Variants in LARGE1 observed in about 807,000 individuals in gnomAD.
The protein encoded by LARGE1 is xylosyl- and glucuronyltransferase LARGE1.
Under a neutral mutation model 87.6 loss-of-function variants are expected in LARGE1, and 43 were observed. That is an observed-to-expected ratio of 0.49 (90% confidence interval 0.38 to 0.63). The LOEUF (loss-of-function observed/expected upper bound fraction) is 0.63. LARGE1 is among the 30% of genes least tolerant of loss of function. LARGE1 has a pLI of 0.00. For missense variants in LARGE1, 802 were observed against 1,000.2 expected (o/e 0.80, Z 2.67); for synonymous variants, 434 against 394.6 (o/e 1.10, Z -1.18).
At chr22:33,827,019 C>T (rs1211512827) in intron 1 of LARGE1, among the ~76,000 whole-genome samples, 1 of 151,984 alleles carries the variant, frequency 6.6e-6, no homozygotes, top group African/African-American at 2.4e-5. Context: ...GAAGATGCAG[C>T]CTATCAAACA....
chr22:33,068,652 T>A, the LARGE1 span, among the ~76,000 whole-genome samples: 1,178 of 152,026 alleles, frequency 7.7e-3, 10 homozygotes, highest in Admixed American at 0.013. Flanking sequence ...CTCAAAAAAA[T>A]AAATAAATAA....
chr22:33,151,257 G>A, the LARGE1 span, among the ~76,000 whole-genome samples: 1 of 152,022 alleles, frequency 6.6e-6, no homozygotes, highest in Admixed American at 6.6e-5. Context: ...ATTGTTCACT[G>A]ATAGTATATA....
At chr22:33,555,423 G>A (rs2077646949) in intron 6 of LARGE1, among the ~76,000 whole-genome samples, 2 of 152,110 alleles carry the variant, frequency 1.3e-5, no homozygotes, top group South Asian at 2.1e-4. Flanking sequence ...AAATATGAAA[G>A]AGCAGTAGAG....
At chr22:33,664,834 G>A (rs1406376615) in intron 2 of LARGE1, among the ~76,000 whole-genome samples, 4 of 152,240 alleles carry the variant, frequency 2.6e-5, no homozygotes, top group Non-Finnish European at 4.4e-5. Context: ...ACTCCAGCCC[G>A]GTGACAGAGC....
chr22:33,429,764 G>A (rs887144146), intron 7 of LARGE1, among the ~76,000 whole-genome samples: 1 of 152,082 alleles, frequency 6.6e-6, no homozygotes, highest in Admixed American at 6.6e-5. Flanking sequence ...ATGAAAGCTT[G>A]GAGGGAACGT....
chr22:33,635,909 C>T (rs2080253018), intron 3 of LARGE1, among the ~76,000 whole-genome samples: 1 of 152,178 alleles, frequency 6.6e-6, no homozygotes, highest in South Asian at 2.1e-4. Flanking sequence ...GAAGTAGATG[C>T]ACCACCTGGC....
At chr22:33,643,601 C>CA (rs965455015) in intron 3 of LARGE1, among the ~76,000 whole-genome samples, 3 of 151,818 alleles carry the variant, frequency 2.0e-5, no homozygotes, top group African/African-American at 4.8e-5. Flanking sequence ...AAAAACCCTT[C>CA]AAAAAAATCA....
chr22:33,294,859 A>C (rs1265655860), intron 12 of LARGE1, among the ~76,000 whole-genome samples: 1 of 152,160 alleles, frequency 6.6e-6, no homozygotes, highest in African/African-American at 2.4e-5. Context: ...TGCGGTAGAG[A>C]GGATGGGACT....
intron 1 of LARGE1, among the ~76,000 whole-genome samples, chr22:33,786,903 C>A (rs1316213606): frequency 1.3e-5 from 2 of 151,826 alleles, no homozygotes; most frequent in Non-Finnish European, 2.9e-5. Context: ...TGCCTGTAGA[C>A]CCAGCTACTC....
At chr22:33,140,644 G>A in the LARGE1 span, among the ~76,000 whole-genome samples, 1 of 152,184 alleles carries the variant, frequency 6.6e-6, no homozygotes, top group African/African-American at 2.4e-5. Flanking sequence ...GATGCTTCCT[G>A]CTCTCGAACA....
intron 1 of LARGE1, among the ~76,000 whole-genome samples, chr22:33,808,606 A>G (rs1441082027): frequency 2.0e-5 from 3 of 152,234 alleles, no homozygotes; most frequent in Non-Finnish European, 4.4e-5. Context: ...CGTAAAGAAG[A>G]ATAAAGCCCC....
chr22:33,511,758 C>G (rs987279930), intron 6 of LARGE1, among the ~76,000 whole-genome samples: 10 of 152,314 alleles, frequency 6.6e-5, no homozygotes, highest in Non-Finnish European at 1.0e-4. Flanking sequence ...TAAGACAAAT[C>G]TGAGTTATGT....
At chr22:33,619,498 T>C (rs1269983895) in intron 4 of LARGE1, among the ~76,000 whole-genome samples, 1 of 144,280 alleles carries the variant, frequency 6.9e-6, no homozygotes, top group Non-Finnish European at 1.5e-5. Context: ...GAGTTTGCAG[T>C]GAGCCGAGAC....
intron 9 of LARGE1, among the ~76,000 whole-genome samples, chr22:33,376,789 C>T (rs748370411): frequency 5.9e-5 from 9 of 152,192 alleles, no homozygotes; most frequent in Middle Eastern, 3.4e-3. Flanking sequence ...TACAGATGTA[C>T]GAATCCTAAC....
intron 1 of LARGE1, among the ~76,000 whole-genome samples, chr22:33,807,708 A>T (rs1008861584): frequency 1.6e-4 from 24 of 152,212 alleles, no homozygotes; most frequent in Non-Finnish European, 2.8e-4. Flanking sequence ...TCTTTTTACT[A>T]TCTCCAGAGT....
At chr22:33,098,152 A>C in the LARGE1 span, among the ~76,000 whole-genome samples, 4 of 152,018 alleles carry the variant, frequency 2.6e-5, no homozygotes, top group Non-Finnish European at 4.4e-5. Context: ...CCAAAAGTCA[A>C]AAAAAATTAG....
chr22:33,809,411 C>T (rs2146153903), intron 1 of LARGE1, among the ~76,000 whole-genome samples: 1 of 152,334 alleles, frequency 6.6e-6, no homozygotes, highest in South Asian at 2.1e-4. Context: ...GAGAATATGC[C>T]TGTTTTGACC....
At chr22:33,436,373 C>T (rs560297903) in intron 6 of LARGE1, among the ~76,000 whole-genome samples, 2 of 152,322 alleles carry the variant, frequency 1.3e-5, no homozygotes, top group African/African-American at 4.8e-5. Flanking sequence ...GGAGGTCATC[C>T]AGCACAACCA....
rs78955831 is a variant in LARGE1, at chr22:33,324,022, G to A, written c.1288-7774C>T. Among the ~76,000 whole-genome samples, 11 of 151,734 alleles carry A rather than the reference G, an allele frequency of 7.2e-5. No homozygotes were observed. In the East Asian group the frequency reaches 1.9e-3, roughly 27 times the overall value. ...TGAGGCGGGTGGATCACCTGAGGTC[G>A]GGAGTTCGAGACCAGCCTGGCCAAC... On this transcript the variant is annotated intron_variant, in intron 10 of 14. Coordinates refer to ENST00000397394, the MANE Select transcript of LARGE1 (RefSeq NM_133642.5).
Sources: gnomAD v4.1 joint callset for allele counts (sites outside exome capture counted in the v4.1 genomes callset) on GRCh38, gnomAD v4.1.1 for gene constraint, MANE v1.5 for transcripts, NCBI Gene and HGNC (gene_info 2026-07-23, HGNC 2026-07-21) for gene names.